The following SMAD3 variants were observed in gnomAD, a reference collection of about 807,000 sequenced individuals.
SMAD3 encodes the protein SMAD family member 3.
In SMAD3, 12 loss-of-function variants were observed where a neutral mutation model predicts 51.8. That is an observed-to-expected ratio of 0.23 (90% CI 0.15 to 0.38). SMAD3 has a LOEUF of 0.38. Among genes scored for constraint, SMAD3 ranks in the 10% least tolerant of loss-of-function variants. The pLI is 1.00. For missense variants in SMAD3, 294 were observed against 565.6 expected (o/e 0.52, Z 4.87); for synonymous variants, 238 against 227.7 (o/e 1.05, Z -0.41).
intron 1 of SMAD3, among the ~76,000 whole-genome samples, chr15:67,093,522 C>T (rs1199421348): frequency 1.3e-5 from 2 of 152,204 alleles, no homozygotes; most frequent in East Asian, 3.9e-4. Flanking sequence ...GTGCACTTTG[C>T]TCTCTCTCAG....
chr15:67,139,667 A>G (rs1002467196), intron 1 of SMAD3, among the ~76,000 whole-genome samples: 9 of 152,110 alleles, frequency 5.9e-5, no homozygotes, highest in Admixed American at 2.6e-4. Context: ...TAAGCCAGGT[A>G]CGATTCCAGC....
At chr15:67,088,725 G>A (rs1595892525) in intron 1 of SMAD3, among the ~76,000 whole-genome samples, 1 of 152,130 alleles carries the variant, frequency 6.6e-6, no homozygotes. Context: ...TCAGGAGTTC[G>A]AGACCAGCCC....
intron 5 of SMAD3, among the ~76,000 whole-genome samples, chr15:67,180,457 C>A (rs775138336): frequency 1.3e-4 from 20 of 151,326 alleles, no homozygotes; most frequent in Non-Finnish European, 2.5e-4. Context: ...CTTTGAGGAG[C>A]CCCTAATGGA....
At chr15:67,173,366 T>C (rs1962804268) in intron 5 of SMAD3, among the ~76,000 whole-genome samples, 1 of 151,680 alleles carries the variant, frequency 6.6e-6, no homozygotes, top group South Asian at 2.1e-4. Flanking sequence ...AGGAGGAAAG[T>C]GTGGATGGAG....
chr15:67,193,280 G>T lies in SMAD3; in HGVS notation c.*2744G>T, dbSNP rs1444940967. 4.3e-6 allele frequency: 1 copy of T among 233,300 alleles called. No homozygotes were observed. Among genetic ancestry groups the T allele is most frequent in the South Asian group, 1.8e-4 (1 of 5,530 alleles). 14.5% of individuals were successfully genotyped at this position (233,300 alleles called of 1,614,324 possible). On this transcript the variant is annotated 3_prime_UTR_variant, in exon 9 of 9. Coordinates refer to ENST00000327367, the MANE Select transcript of SMAD3 (RefSeq NM_005902.4). ...TAAGTGGCGTTCACCTAGTCAACAC[G>T]ACCGCGTGTGTTGCCCCTGCCCTGG...
Position 67,087,708 on chromosome 15 carries a change from CTGTATAGAGCAAAGTA to C in SMAD3, c.206+21351_206+21366del, listed in dbSNP as rs147707397. Among the ~76,000 whole-genome samples, 494 of 152,196 alleles carry C rather than the reference CTGTATAGAGCAAAGTA, an allele frequency of 3.2e-3. 11 individuals carry two copies. In the East Asian group the frequency reaches 0.061, roughly 19 times the overall value. ...GTAATCAGGAGCAGATAAGAAAGCC[CTGTATAGAGCAAAGTA>C]TGCATTTCTTAAGGTGGTGGGGGAG... is the stretch of plus-strand genomic sequence containing the variant. On this transcript the variant is annotated intron_variant, in intron 1 of 8. Transcript: ENST00000327367.
chr15:67,068,390 C>T (rs72743414), intron 1 of SMAD3, among the ~76,000 whole-genome samples: 17,677 of 152,252 alleles, frequency 0.12, 1,157 homozygotes, highest in South Asian at 0.22. Context: ...AATCTTTGGG[C>T]TGGTGATAGC....
intron 5 of SMAD3, among the ~76,000 whole-genome samples, chr15:67,171,767 A>C (rs1962758009): frequency 6.6e-6 from 1 of 152,206 alleles, no homozygotes. Flanking sequence ...TTTTTGTAAA[A>C]TAATATCACC....
intron 1 of SMAD3, among the ~76,000 whole-genome samples, chr15:67,117,021 T>C (rs781002725): frequency 6.6e-6 from 1 of 152,174 alleles, no homozygotes; most frequent in Non-Finnish European, 1.5e-5. Context: ...CCAGTTCTCA[T>C]AGCTCCCGGG....
chr15:67,161,278 G>A lies in SMAD3; in HGVS notation c.207-3617G>A, dbSNP rs563462003. On this transcript the variant is annotated intron_variant, in intron 1 of 8. Transcript: ENST00000327367. ...GGACTCTGTTAGGTTCCATTGATCC[G>A]TTTGTCAGTCCTTGTGCCATTACCA... 6.6e-5 allele frequency among the ~76,000 whole-genome samples: 10 copies of A among 152,276 alleles called. No individual in the cohort carries two copies. The East Asian group carries it at 9.6e-4, about 15-fold the overall frequency.
chr15:67,182,646 C>G (rs913697091), intron 6 of SMAD3, among the ~76,000 whole-genome samples: 4 of 151,832 alleles, frequency 2.6e-5, no homozygotes, highest in Non-Finnish European at 5.9e-5. Flanking sequence ...GGCCATGGGC[C>G]TAGGTCTGTG....
At position 67,177,422 on chromosome 15, in the gene SMAD3, G is replaced by GTTTTTTTTTTTTTTTTT. The variant is rs68095915; in HGVS notation, c.659-3806_659-3805insTTTTTTTTTTTTTTTTT. ...AATGAGGGCATATTTAGTGTTTTGG[G>GTTTTTTTTTTTTTTTTT]TTTTTTTTTTTTTGGTGTGTGGCAG... is the stretch of plus-strand genomic sequence containing the variant. On this transcript the variant is annotated intron_variant, in intron 5 of 8. Coordinates refer to ENST00000327367, the MANE Select transcript of SMAD3 (RefSeq NM_005902.4). Among the ~76,000 whole-genome samples, 170 of 93,866 alleles carry GTTTTTTTTTTTTTTTTT rather than the reference G, an allele frequency of 1.8e-3. 12 individuals are homozygous for GTTTTTTTTTTTTTTTTT. Among genetic ancestry groups the GTTTTTTTTTTTTTTTTT allele is most frequent in the African/African-American group, 5.9e-3 (150 of 25,438 alleles). 61.6% of individuals were successfully genotyped at this position (93,866 alleles called of 152,430 possible).
chr15:67,172,721 A>T (rs1962784419), intron 5 of SMAD3, among the ~76,000 whole-genome samples: 1 of 152,190 alleles, frequency 6.6e-6, no homozygotes, highest in South Asian at 2.1e-4. Flanking sequence ...ACAGCTAGTG[A>T]ATGGAGAAGG....
intron 1 of SMAD3, among the ~76,000 whole-genome samples, chr15:67,148,291 A>T (rs532528763): frequency 2.5e-4 from 38 of 152,344 alleles, no homozygotes; most frequent in Admixed American, 1.7e-3. Flanking sequence ...TAGCACAGCC[A>T]GAGGGAGGGC....
rs2140330369 is a variant in SMAD3, at chr15:67,191,934, A to G, written c.*1398A>G. 4.4e-6 allele frequency: 1 copy of G among 228,102 alleles called. No individual in the cohort carries two copies. The highest frequency in any genetic ancestry group is 8.7e-6 in the Non-Finnish European group (1 of 114,484). The allele number at this position is 228,102 out of a possible 1,614,324, so 14.1% of individuals were successfully genotyped here. A position where few individuals can be genotyped will look rare whatever the true frequency, so the allele number is the denominator to read the frequency against. On this transcript the variant is annotated 3_prime_UTR_variant, in exon 9 of 9. Transcript: ENST00000327367. Reference sequence around the variant, plus strand: ...GAGAAAACTAGTCTAAATTATTTCAACTGGAAAAAAGAAAAAAGAGTCCTC... The same window carrying G: ...GAGAAAACTAGTCTAAATTATTTCAGCTGGAAAAAAGAAAAAAGAGTCCTC...
At chr15:67,184,642 T>C in intron 6 of SMAD3, 85 bp from the exon 7 acceptor site, 3 of 1,533,114 alleles carry the variant, frequency 2.0e-6, no homozygotes. Flanking sequence ...TCTGCTGTTC[T>C]GCCTCCTTTG....
rs1963441724 is a variant in SMAD3, at chr15:67,194,159, G to T, written c.*3623G>T. 1.7e-5 allele frequency: 4 copies of T among 233,370 alleles called. No individual in the cohort carries two copies. Among genetic ancestry groups the T allele is most frequent in the African/African-American group, 4.4e-5 (2 of 45,346 alleles). The allele number at this position is 233,370 out of a possible 1,614,324, so 14.5% of individuals were successfully genotyped here. ...TTGGGAGTTCCCCCAAAATAAACGT[G>T]TCCCCATTTTACCAGAACCAAACCT... On this transcript the variant is annotated 3_prime_UTR_variant, in exon 9 of 9. Transcript: ENST00000327367.
chr15:67,190,845 T>C lies in SMAD3; in HGVS notation c.*309T>C. The C allele has an allele frequency of 2.3e-6, 1 of 444,246 alleles. No homozygotes were observed. Among genetic ancestry groups the C allele is most frequent in the Non-Finnish European group, 4.1e-6 (1 of 241,096 alleles). 27.5% of individuals were successfully genotyped at this position (444,246 alleles called of 1,614,324 possible). ...CACCACCGGCCCCCTCCCCCCAGACTCTTTTTTTGAGTGACAGCTTTCTGG... is the reference window on the plus strand; with the variant it reads ...CACCACCGGCCCCCTCCCCCCAGACCCTTTTTTTGAGTGACAGCTTTCTGG... On this transcript the variant is annotated 3_prime_UTR_variant, in exon 9 of 9. Coordinates refer to ENST00000327367, the MANE Select transcript of SMAD3 (RefSeq NM_005902.4).
intron 6 of SMAD3, among the ~76,000 whole-genome samples, chr15:67,183,571 C>G (rs891818906): frequency 3.3e-5 from 5 of 152,108 alleles, no homozygotes; most frequent in Non-Finnish European, 7.4e-5. Context: ...AGGGGACATC[C>G]AGTGATGCAT....
Sources: allele counts gnomAD v4.1 joint callset (sites outside exome capture counted in the v4.1 genomes callset), GRCh38; gene constraint gnomAD v4.1.1; transcripts MANE v1.5; gene names NCBI Gene and HGNC (gene_info 2026-07-23, HGNC 2026-07-21).